The following MAD1L1 variants were observed in gnomAD, a reference collection of about 807,000 sequenced individuals.
MAD1L1 encodes the protein mitotic spindle assembly checkpoint protein MAD1.
A neutral mutation model predicts 96.9 loss-of-function variants in MAD1L1; 95 were observed. The observed-to-expected ratio is 0.98, with a 90% CI of 0.83 to 1.16. MAD1L1 has a LOEUF of 1.16. Ranked by LOEUF, MAD1L1 falls within the 50% of genes most tolerant of loss-of-function variation. The pLI, the probability that MAD1L1 is intolerant of heterozygous loss-of-function variation, is 0.00. For synonymous variants in MAD1L1, 473 were observed against 396.6 expected (o/e 1.19, Z -2.29); for missense variants, 1,007 against 954.4 (o/e 1.06, Z -0.73).
chr7:2,104,983 C>T (rs1787013211), intron 11 of MAD1L1, among the ~76,000 whole-genome samples: 1 of 152,240 alleles, frequency 6.6e-6, no homozygotes, highest in African/African-American at 2.4e-5. Context: ...GGGAACTACG[C>T]ACAGCCCGCC....
rs552106820 is a variant in MAD1L1 at position 2,023,685 on chromosome 7, A to G, written c.1219-9043T>C. ...AAAAATTGGCCAGGTACAGTGGCTCACGCCTGTTATCCCAGCACTTTGGGA... is the reference window on the plus strand; with the variant it reads ...AAAAATTGGCCAGGTACAGTGGCTCGCGCCTGTTATCCCAGCACTTTGGGA... On this transcript the variant is annotated intron_variant, in intron 12 of 18. Transcript: ENST00000265854. Among the ~76,000 whole-genome samples the G allele has an allele frequency of 3.9e-5, 6 of 152,266 alleles. No homozygotes were observed. The South Asian group carries it at 6.2e-4, about 16-fold the overall frequency.
intron 18 of MAD1L1, among the ~76,000 whole-genome samples, chr7:1,890,743 C>T (rs745882018): frequency 6.6e-6 from 1 of 152,202 alleles, no homozygotes; most frequent in Non-Finnish European, 1.5e-5. Context: ...CTCTCCATCG[C>T]TCAGCACCTG....
intron 18 of MAD1L1, among the ~76,000 whole-genome samples, chr7:1,864,968 A>T (rs918370767): frequency 3.3e-5 from 5 of 152,146 alleles, no homozygotes; most frequent in African/African-American, 1.2e-4. Context: ...ACGCAGTCTC[A>T]GGAGCTCTAG....
intron 11 of MAD1L1, among the ~76,000 whole-genome samples, chr7:2,109,249 C>T (rs991828470): frequency 6.6e-6 from 1 of 152,222 alleles, no homozygotes; most frequent in Admixed American, 6.5e-5. Context: ...CCCCGGGCCT[C>T]GGCTTCTTCT....
chr7:1,943,504 T>C (rs183133205), intron 16 of MAD1L1, among the ~76,000 whole-genome samples: 15 of 152,200 alleles, frequency 9.9e-5, no homozygotes, highest in Admixed American at 1.3e-4. Context: ...ATGAGTTCAA[T>C]AGACACATGA....
intron 10 of MAD1L1, among the ~76,000 whole-genome samples, chr7:2,211,768 G>A (rs575240936): frequency 6.6e-6 from 1 of 152,350 alleles, no homozygotes; most frequent in East Asian, 1.9e-4. Context: ...ACTTTCAGGT[G>A]ACAGAGAACT....
intron 3 of MAD1L1, among the ~76,000 whole-genome samples, chr7:2,228,445 G>T (rs1203819505): frequency 1.3e-5 from 2 of 151,904 alleles, no homozygotes; most frequent in Non-Finnish European, 2.9e-5. Context: ...TAGAGATGAG[G>T]TCTTACCATG....
chr7:1,818,576 T>C (rs1020951632), intron 18 of MAD1L1, among the ~76,000 whole-genome samples: 3 of 151,678 alleles, frequency 2.0e-5, no homozygotes, highest in African/African-American at 7.3e-5. Context: ...ATAGATAGAC[T>C]TTAGCTATTT....
chr7:2,174,600 C>CT (rs934989878), intron 10 of MAD1L1, among the ~76,000 whole-genome samples: 2 of 152,024 alleles, frequency 1.3e-5, no homozygotes, highest in African/African-American at 4.8e-5. Context: ...CCTGTTTGAT[C>CT]TTTTTTTTCT....
chr7:1,915,414 C>G (rs1471426498), intron 17 of MAD1L1, among the ~76,000 whole-genome samples: 1 of 152,132 alleles, frequency 6.6e-6, no homozygotes, highest in Non-Finnish European at 1.5e-5. Context: ...CACGCGCTTC[C>G]CGGGACAGAA....
At chr7:1,995,709 G>A (rs1210820753) in intron 14 of MAD1L1, among the ~76,000 whole-genome samples, 4 of 152,108 alleles carry the variant, frequency 2.6e-5, no homozygotes, top group Non-Finnish European at 4.4e-5. Context: ...ACCAGCGCGC[G>A]CGGGGACATA....
rs991550585 is a variant in MAD1L1 at position 2,142,144 on chromosome 7, T to A, written c.1073+7008A>T. Among the ~76,000 whole-genome samples, 1 of 152,192 alleles carries A rather than the reference T, an allele frequency of 6.6e-6. No individual in the cohort carries two copies. Among genetic ancestry groups the A allele is most frequent in the African/African-American group, 2.4e-5 (1 of 41,446 alleles). On this transcript the variant is annotated intron_variant, in intron 11 of 18. Transcript: ENST00000265854. The surrounding 1 kb of genome is among the most constrained non-coding windows in gnomAD (Gnocchi z 4.7). ...TCCCCAAAAACCCGCTCACTGGGGC[T>A]ATCCTACAGACAGACAACTGACTCA... is the stretch of plus-strand genomic sequence containing the variant.
chr7:2,178,870 C>A (rs1429131211), intron 10 of MAD1L1, among the ~76,000 whole-genome samples: 1 of 149,178 alleles, frequency 6.7e-6, no homozygotes, highest in Non-Finnish European at 1.5e-5. Context: ...GCACTTCAGC[C>A]TAGGCGACAC....
At chr7:1,932,011 C>G (rs951841364) in intron 17 of MAD1L1, among the ~76,000 whole-genome samples, 1 of 152,220 alleles carries the variant, frequency 6.6e-6, no homozygotes, top group African/African-American at 2.4e-5. Context: ...ACCCAGGGAC[C>G]TGGGGACCAA....
intron 13 of MAD1L1, among the ~76,000 whole-genome samples, chr7:2,007,290 C>T (rs543625562): frequency 5.2e-5 from 8 of 152,384 alleles, no homozygotes; most frequent in African/African-American, 1.9e-4. Flanking sequence ...CACAGCGGAG[C>T]GTTCTCCCAG....
rs557976674 is a variant in MAD1L1, at chr7:1,853,680, T to C, written c.1999-37452A>G. On this transcript the variant is annotated intron_variant, in intron 18 of 18. Coordinates refer to ENST00000265854, the MANE Select transcript of MAD1L1 (RefSeq NM_001013836.2). ...TCCCTCTGCACGGGGGCCCCCTGCC[T>C]CTCCCAGGCTGAGCTCAGAAGGACA... 7.4e-4 allele frequency among the ~76,000 whole-genome samples: 112 copies of C among 152,078 alleles called. 1 individual carries two copies. The highest frequency in any genetic ancestry group is 3.4e-3 in the Middle Eastern group (1 of 294).
chr7:1,990,083 T>C (rs565293569), intron 14 of MAD1L1, among the ~76,000 whole-genome samples: 5 of 152,286 alleles, frequency 3.3e-5, no homozygotes, highest in African/African-American at 1.2e-4. Context: ...TGCCGCTGAG[T>C]GCCAGAGTGA....
intron 11 of MAD1L1, among the ~76,000 whole-genome samples, chr7:2,098,611 ACAGCACGGCAGACACGTCCATC>A (rs1786620143): frequency 6.6e-6 from 1 of 152,218 alleles, no homozygotes; most frequent in Admixed American, 6.5e-5. Flanking sequence ...GGCAGGGAGC[ACAGCACGGCAGACACGTCCATC>A]CAGCACAGCC....
chr7:2,075,155 C>T (rs1435590551), intron 11 of MAD1L1, among the ~76,000 whole-genome samples: 1 of 152,130 alleles, frequency 6.6e-6, no homozygotes, highest in Non-Finnish European at 1.5e-5. Flanking sequence ...CCTGAAGACC[C>T]GAGGAAGTGG....
Sources: gnomAD v4.1 joint callset for allele counts (sites outside exome capture counted in the v4.1 genomes callset) on GRCh38, gnomAD v4.1.1 for gene constraint, Gnocchi (gnomAD v3.1) non-coding constraint, MANE v1.5 for transcripts, NCBI Gene and HGNC (gene_info 2026-07-23, HGNC 2026-07-21) for gene names.